VEZF1: variants seen among roughly 807,000 people sequenced by gnomAD.
VEZF1 encodes putative transcription factor DB1.
In VEZF1, 5 loss-of-function variants were observed where a neutral mutation model predicts 44.1. The ratio of observed to expected loss-of-function variants is 0.11; its 90% confidence interval spans 0.06 to 0.24. VEZF1 has a LOEUF of 0.24. Ranked by LOEUF, VEZF1 falls within the 10% of genes least tolerant of loss-of-function variation. The pLI is 1.00. For synonymous variants in VEZF1, 236 were observed against 233.1 expected, an observed-to-expected ratio of 1.01 and a Z score of -0.11; for missense variants, 358 against 641.8, an observed-to-expected ratio of 0.56 and a Z score of 4.78.
intron 1 of VEZF1, among the ~76,000 whole-genome samples, chr17:57,984,191 ATCT>A (rs1438278620): frequency 6.6e-6 from 1 of 152,192 alleles, no homozygotes; most frequent in Non-Finnish European, 1.5e-5. Context: ...TTTCATATTC[ATCT>A]TCTTCCAGCA....
intron 5 of VEZF1, among the ~76,000 whole-genome samples, chr17:57,978,799 T>A (rs2075217338): frequency 6.6e-6 from 1 of 151,676 alleles, no homozygotes. Context: ...GGGAATATTT[T>A]AGAAAGGAAA....
chr17:57,977,707 G>C (rs546793803), intron 5 of VEZF1, among the ~76,000 whole-genome samples: 2 of 152,092 alleles, frequency 1.3e-5, no homozygotes, highest in Non-Finnish European at 2.9e-5. Context: ...AGCTGGGCGC[G>C]GTGGCACATG....
In VEZF1 at chr17:57,971,567, CTT is replaced by C. The variant is rs1429711253; in HGVS notation, c.*2904_*2905del. 6.6e-6 allele frequency: 1 copy of C among 152,428 alleles called. No individual in the cohort carries two copies. Among genetic ancestry groups the C allele is most frequent in the Non-Finnish European group, 1.5e-5 (1 of 68,028 alleles). The allele number at this position is 152,428 out of a possible 1,614,324, so 9.4% of individuals were successfully genotyped here. On this transcript the variant is annotated 3_prime_UTR_variant, in exon 6 of 6. Transcript: ENST00000581208. The stretch of plus-strand genomic sequence containing the variant: ...CATCATAACATTTGTGACCAGTTAA[CTT>C]TAATTTTCAAAATAAATCTGCAGTA...
At chr17:57,987,194 T>A (rs994378402) in intron 1 of VEZF1, among the ~76,000 whole-genome samples, 3 of 151,980 alleles carry the variant, frequency 2.0e-5, no homozygotes, top group Middle Eastern at 3.2e-3. Flanking sequence ...CTCCACTTGG[T>A]TGGAGGAAAC....
At chr17:57,980,508 G>C (rs947078476) in intron 4 of VEZF1, 95 bp downstream of exon 4, 1 of 1,242,564 alleles carries the variant, frequency 8.0e-7, no homozygotes, top group Non-Finnish European at 1.2e-6. Flanking sequence ...GAGGAAACAC[G>C]TAAGGTGAAT....
intron 5 of VEZF1, among the ~76,000 whole-genome samples, chr17:57,977,680 A>T (rs927830637): frequency 1.3e-5 from 2 of 152,120 alleles, no homozygotes; most frequent in Admixed American, 6.5e-5. Context: ...CCCTGTCTCT[A>T]CTAAAAATAC....
intron 5 of VEZF1, among the ~76,000 whole-genome samples, chr17:57,977,655 A>G (rs1046688285): frequency 1.3e-5 from 2 of 151,870 alleles, no homozygotes; most frequent in Non-Finnish European, 1.5e-5. Flanking sequence ...GACCAGCCTG[A>G]CCAACATGGA....
At chr17:57,978,689 G>A (rs1421304229) in intron 5 of VEZF1, among the ~76,000 whole-genome samples, 2 of 151,938 alleles carry the variant, frequency 1.3e-5, no homozygotes, top group Non-Finnish European at 2.9e-5. Flanking sequence ...TCTGAAACAT[G>A]TAATAAATAA....
At chr17:57,983,451 C>A (rs1335301558) in intron 1 of VEZF1, 58 bp from the exon 2 acceptor site, 2 of 1,425,510 alleles carry the variant, frequency 1.4e-6, no homozygotes, top group Non-Finnish European at 1.9e-6. Context: ...CTTCGAAATT[C>A]AACATGCTCC....
chr17:57,976,817 G>A (rs564538977), intron 5 of VEZF1, among the ~76,000 whole-genome samples: 11 of 152,126 alleles, frequency 7.2e-5, no homozygotes, highest in South Asian at 2.1e-4. Context: ...GGAGTACACC[G>A]AGAGAGATTG....
rs966756709 is a variant in VEZF1, at chr17:57,976,419, C to CA, written c.1139-1520dup. On this transcript the variant is annotated intron_variant, in intron 5 of 5. Transcript: ENST00000581208. ...ACTTCAAAACAAACAAACAAACAAA[C>CA]AAAAAAAACCCAACAAAACAAAAAC... Among the ~76,000 whole-genome samples, 55 of 149,764 alleles carry CA rather than the reference C, an allele frequency of 3.7e-4. No homozygotes were observed. In the East Asian group the frequency reaches 7.3e-3, roughly 20 times the overall value.
intron 3 of VEZF1, among the ~76,000 whole-genome samples, 198 bp from the exon 4 acceptor site, chr17:57,980,984 A>C (rs1386696142): frequency 1.3e-5 from 2 of 152,258 alleles, no homozygotes; most frequent in Non-Finnish European, 2.9e-5. Flanking sequence ...TGAAGGAAGA[A>C]AATACATCAA....
At chr17:57,977,060 C>T (rs1024867103) in intron 5 of VEZF1, among the ~76,000 whole-genome samples, 3 of 152,276 alleles carry the variant, frequency 2.0e-5, no homozygotes, top group African/African-American at 7.2e-5. Flanking sequence ...TATCACAGCA[C>T]TACACTTTTT....
chr17:57,987,759 G>T lies in VEZF1; in HGVS notation c.33+320C>A, dbSNP rs924552341. Among the ~76,000 whole-genome samples, 4 of 152,004 alleles carry T rather than the reference G, an allele frequency of 2.6e-5. No homozygotes were observed. In the East Asian group the frequency reaches 7.8e-4, roughly 30 times the overall value. ...CCTCCTTTCTCTGGGCCGCGGGGTGGTGACAGCGACCGGCCTCCTCCCTTC... is the reference window on the plus strand; with the variant it reads ...CCTCCTTTCTCTGGGCCGCGGGGTGTTGACAGCGACCGGCCTCCTCCCTTC... On this transcript the variant is annotated intron_variant, in intron 1 of 5. Transcript: ENST00000581208.
intron 1 of VEZF1, chr17:57,985,541 T>C (rs1567741616): frequency 4.0e-6 from 3 of 756,434 alleles, no homozygotes; most frequent in Non-Finnish European, 4.8e-6. Context: ...ATATAACTTC[T>C]GGGTAGGCTT....
chr17:57,978,522 G>C (rs2075214431), intron 5 of VEZF1, among the ~76,000 whole-genome samples: 1 of 152,172 alleles, frequency 6.6e-6, no homozygotes, highest in African/African-American at 2.4e-5. Context: ...TGATTCGTTA[G>C]AAAATATACA....
chr17:57,972,914 C>T lies in VEZF1; in HGVS notation c.*1559G>A, dbSNP rs1054566355. ...GATGCAAGGTATTTTGATGCTTGAA[C>T]TGACACAGTAGGGTATAAATGGAAA... On this transcript the variant is annotated 3_prime_UTR_variant, in exon 6 of 6. Coordinates refer to ENST00000581208, the MANE Select transcript of VEZF1 (RefSeq NM_007146.3). 7.9e-5 allele frequency: 12 copies of T among 152,574 alleles called. No individual in the cohort carries two copies. Among genetic ancestry groups the T allele is most frequent in the African/African-American group, 2.9e-4 (12 of 41,424 alleles). The allele number at this position is 152,574 out of a possible 1,614,324, so 9.5% of individuals were successfully genotyped here.
chr17:57,984,789 C>T (rs1281751585), intron 1 of VEZF1, among the ~76,000 whole-genome samples: 1 of 152,160 alleles, frequency 6.6e-6, no homozygotes, highest in African/African-American at 2.4e-5. Flanking sequence ...AACTAGTCTC[C>T]CCCAAACGAT....
In VEZF1 at chr17:57,974,670, G is replaced by A. The variant is rs2075170753; in HGVS notation, c.1369C>T (p.Pro457Ser). ...TTGACTGGGGTAGTGAGTGTTAAAG[G>A]AGAGGTCATGGATAATGGACTGGTT... ...TITSPLSMTS[P>S]LTLTTPVNLP... is the part of the protein sequence containing the mutation. Residue 457 changes from proline to serine, a missense_variant, in exon 6 of 6, where the codon CCT (proline) becomes TCT (serine). By Grantham distance (74) the Pro-to-Ser change is moderately conservative (BLOSUM62 -1). Transcript: ENST00000581208. 1 of 1,614,148 alleles carries A rather than the reference G, an allele frequency of 6.2e-7. No individual in the cohort carries two copies. The highest frequency in any genetic ancestry group is 8.5e-7 in the Non-Finnish European group (1 of 1,180,032).
Sources: allele counts gnomAD v4.1 joint callset (sites outside exome capture counted in the v4.1 genomes callset), GRCh38; gene constraint gnomAD v4.1.1; transcripts MANE v1.5; gene names NCBI Gene and HGNC (gene_info 2026-07-23, HGNC 2026-07-21).